ROR2: variants seen among roughly 807,000 people sequenced by gnomAD.
The protein encoded by ROR2 is ROR family WNT receptor 2.
Under a neutral mutation model 74.9 loss-of-function variants are expected in ROR2, and 33 were observed. That is an observed-to-expected ratio of 0.44 (90% CI 0.33 to 0.59). The LOEUF (loss-of-function observed/expected upper bound fraction) is 0.59. ROR2 is among the 20% of genes least tolerant of loss of function. The pLI, the probability that ROR2 is intolerant of heterozygous loss-of-function variation, is 0.02. For missense variants in ROR2, 1,216 were observed against 1,313.8 expected (o/e 0.93, Z 1.15); for synonymous variants, 586 against 558.7 (o/e 1.05, Z -0.69).
intron 1 of ROR2, among the ~76,000 whole-genome samples, chr9:91,864,033 G>A (rs1238576655): frequency 1.3e-5 from 2 of 152,136 alleles, no homozygotes; most frequent in Non-Finnish European, 2.9e-5. Flanking sequence ...GAAACAAAGT[G>A]GAAAATAAGG....
At chr9:91,929,432 A>G (rs1004396972) in intron 1 of ROR2, among the ~76,000 whole-genome samples, 1 of 152,214 alleles carries the variant, frequency 6.6e-6, no homozygotes, top group African/African-American at 2.4e-5. Context: ...TTCTCAGAGG[A>G]TAAGACAAGT....
At chr9:91,842,192 C>T (rs73651572) in intron 1 of ROR2, among the ~76,000 whole-genome samples, 28,169 of 152,010 alleles carry the variant, frequency 0.19, 4,524 homozygotes, top group African/African-American at 0.44. Flanking sequence ...AAGCAAGTAT[C>T]TTCAAGAAAT....
chr9:91,845,877 CAAAAAAAAAAAAAAAA>C (rs5899143), intron 1 of ROR2, among the ~76,000 whole-genome samples: 17 of 33,898 alleles, frequency 5.0e-4, no homozygotes, highest in South Asian at 1.8e-3. Context: ...GAATCCATCT[CAAAAAAAAAAAAAAAA>C]AAAAAAAAAA....
At chr9:91,864,949 G>A (rs1881386) in intron 1 of ROR2, among the ~76,000 whole-genome samples, 17,640 of 152,148 alleles carry the variant, frequency 0.12, 2,235 homozygotes, top group African/African-American at 0.32. Context: ...TTTAGCGGAC[G>A]GGCTTCTTCA....
chr9:91,733,270 C>G lies in ROR2; in HGVS notation c.789G>C (p.Leu263=), dbSNP rs370231603. The change falls in exon 6 of 9, where the codon CTG becomes CTC. Residue 263 remains leucine, a synonymous_variant. Transcript: ENST00000375708. This position sits in a 1 kb window ranked among gnomAD's most constrained non-coding sequence, Gnocchi z 5.7. ...RDECEVLESD[L]CRQEYTIARS... is the part of the protein sequence containing the mutation. ...GGGCGATGGTGTACTCCTGGCGGCA[C>G]AGGTCGCTCTCCAGCACCTCGCACT... 19 of 1,612,884 alleles carry G rather than the reference C, an allele frequency of 1.2e-5. No homozygotes were observed. The highest frequency in any genetic ancestry group is 1.6e-5 in the Non-Finnish European group (19 of 1,179,794).
At chr9:91,850,445 C>A (rs1358054747) in intron 1 of ROR2, among the ~76,000 whole-genome samples, 2 of 152,074 alleles carry the variant, frequency 1.3e-5, no homozygotes, top group Non-Finnish European at 2.9e-5. Flanking sequence ...AAAGTACCCA[C>A]AAAGGTCCTT....
At chr9:91,841,978 G>A (rs1418639403) in intron 1 of ROR2, among the ~76,000 whole-genome samples, 10 of 152,150 alleles carry the variant, frequency 6.6e-5, no homozygotes, top group African/African-American at 1.2e-4. Context: ...AAGTCAGGGC[G>A]GGGAAGGATG....
At chr9:91,876,580 ACAGAGGTGC>A (rs1482098803) in intron 1 of ROR2, among the ~76,000 whole-genome samples, 1 of 152,176 alleles carries the variant, frequency 6.6e-6, no homozygotes, top group Non-Finnish European at 1.5e-5. Context: ...CCAATATGAA[ACAGAGGTGC>A]CAAGATAAGA....
At chr9:91,830,545 C>T (rs1391229364) in intron 1 of ROR2, among the ~76,000 whole-genome samples, 5 of 152,136 alleles carry the variant, frequency 3.3e-5, no homozygotes, top group Admixed American at 1.3e-4. Context: ...TTTCAGAGCA[C>T]ACAGCACTAA....
chr9:91,916,110 C>T (rs1451795565), intron 1 of ROR2, among the ~76,000 whole-genome samples: 1 of 152,164 alleles, frequency 6.6e-6, no homozygotes, highest in Admixed American at 6.5e-5. Context: ...ACTCATTCCA[C>T]GCAGGAAAGC....
chr9:91,906,470 G>A (rs1830821609), intron 1 of ROR2, among the ~76,000 whole-genome samples: 2 of 152,156 alleles, frequency 1.3e-5, no homozygotes, highest in African/African-American at 2.4e-5. Flanking sequence ...GCTGCCACAA[G>A]TCCACTGCAG....
At chr9:91,887,795 T>TA (rs1830326753) in intron 1 of ROR2, among the ~76,000 whole-genome samples, 1 of 140,630 alleles carries the variant, frequency 7.1e-6, no homozygotes, top group Non-Finnish European at 1.5e-5. Flanking sequence ...TCTCTTTTTT[T>TA]TTTTTTTTTT....
intron 2 of ROR2, among the ~76,000 whole-genome samples, chr9:91,772,776 T>TAAC (rs1210250205): frequency 6.6e-6 from 1 of 152,082 alleles, no homozygotes; most frequent in Non-Finnish European, 1.5e-5. Flanking sequence ...ACTTGTGGGT[T>TAAC]AACAACAACA....
At chr9:91,855,980 C>T (rs141642521) in intron 1 of ROR2, among the ~76,000 whole-genome samples, 2 of 152,202 alleles carry the variant, frequency 1.3e-5, no homozygotes, top group African/African-American at 2.4e-5. Context: ...CAGAGGTTAC[C>T]CATAAAATCT....
intron 5 of ROR2, among the ~76,000 whole-genome samples, chr9:91,735,502 G>A (rs73504490): frequency 0.02 from 2,980 of 151,232 alleles, 105 homozygotes; most frequent in African/African-American, 0.068. Flanking sequence ...TTGCCAATTA[G>A]TAGGGTGTCT....
chr9:91,825,941 C>T (rs1371811207), intron 1 of ROR2, among the ~76,000 whole-genome samples: 1 of 152,242 alleles, frequency 6.6e-6, no homozygotes, highest in Non-Finnish European at 1.5e-5. Context: ...TGCTGACTTA[C>T]ATCAGCTTTG....
intron 1 of ROR2, among the ~76,000 whole-genome samples, chr9:91,833,923 G>A (rs1399096568): frequency 6.6e-6 from 1 of 152,150 alleles, no homozygotes; most frequent in Non-Finnish European, 1.5e-5. Flanking sequence ...CGAGCCATGG[G>A]ATTTCTCTTT....
intron 8 of ROR2, among the ~76,000 whole-genome samples, chr9:91,726,262 T>C (rs972745756): frequency 1.3e-5 from 2 of 152,060 alleles, no homozygotes; most frequent in Non-Finnish European, 2.9e-5. Context: ...ACCTGGACAG[T>C]GAGGACACTC....
intron 1 of ROR2, among the ~76,000 whole-genome samples, chr9:91,895,192 A>C (rs1193931066): frequency 1.3e-5 from 2 of 152,266 alleles, no homozygotes; most frequent in African/African-American, 4.8e-5. Context: ...ATATGATTCC[A>C]ACTATAAGAC....
Sources: gnomAD v4.1 joint callset for allele counts (sites outside exome capture counted in the v4.1 genomes callset) on GRCh38, gnomAD v4.1.1 for gene constraint, Gnocchi (gnomAD v3.1) non-coding constraint, MANE v1.5 for transcripts, NCBI Gene and HGNC (gene_info 2026-07-23, HGNC 2026-07-21) for gene names.